The following IPMK variants were observed in gnomAD, a reference collection of about 807,000 sequenced individuals.
IPMK encodes inositol 1,3,4,6-tetrakisphosphate 5-kinase.
IPMK carries 17 observed loss-of-function variants against 45.8 expected under a neutral mutation model. The ratio of observed to expected loss-of-function variants is 0.37; its 90% CI spans 0.25 to 0.56. The LOEUF is 0.56. IPMK is among the 20% of genes least tolerant of loss of function. The pLI, the probability that IPMK is intolerant of heterozygous loss-of-function variation, is 0.79. For missense variants in IPMK, 399 were observed against 498.0 expected, an observed-to-expected ratio of 0.80 and a Z score of 1.89; for synonymous variants, 180 against 184.3, an observed-to-expected ratio of 0.98 and a Z score of 0.19.
chr10:58,244,372 G>T (rs1367554496), intron 1 of IPMK, among the ~76,000 whole-genome samples: 1 of 150,014 alleles, frequency 6.7e-6, no homozygotes, highest in Non-Finnish European at 1.5e-5. Flanking sequence ...GGGAAGTGGG[G>T]GGTGCCTCTG....
rs762715336 is a variant in IPMK, at chr10:58,196,363, T to C, written c.964A>G (p.Arg322Gly). ...KSLSKMYARHRKIYTKKHHSQ... is the reference protein window; with the variant it reads ...KSLSKMYARHGKIYTKKHHSQ... Reference sequence around the variant, plus strand: ...TGATGCTTTTTTGTATATATTTTCCTGTGACGCGCATACATCTTGGACAAG... The same window carrying C: ...TGATGCTTTTTTGTATATATTTTCCCGTGACGCGCATACATCTTGGACAAG... The change falls in exon 6 of 6, where the codon AGG (arginine) becomes GGG (glycine). Residue 322 changes from arginine to glycine, a missense_variant. Physicochemically the swap from Arg to Gly is moderately radical, Grantham distance 125 (BLOSUM62 -2). Transcript: ENST00000373935. 1 of 1,614,168 alleles carries C rather than the reference T, an allele frequency of 6.2e-7. No homozygotes were observed. The highest frequency in any genetic ancestry group is 8.5e-7 in the Non-Finnish European group (1 of 1,180,010).
intron 1 of IPMK, among the ~76,000 whole-genome samples, chr10:58,240,326 CCAATA>C (rs1320729529): frequency 2.0e-5 from 3 of 151,272 alleles, no homozygotes; most frequent in Non-Finnish European, 1.5e-5. Context: ...TTCACAAAGA[CCAATA>C]CAAAATATCT....
chr10:58,201,677 C>A (rs1271872944), intron 4 of IPMK, among the ~76,000 whole-genome samples: 1 of 152,140 alleles, frequency 6.6e-6, no homozygotes, highest in Admixed American at 6.6e-5. Context: ...AATGTCACGT[C>A]TCTCACTTAA....
At chr10:58,255,293 G>A (rs1295430656) in intron 1 of IPMK, among the ~76,000 whole-genome samples, 1 of 152,240 alleles carries the variant, frequency 6.6e-6, no homozygotes, top group Non-Finnish European at 1.5e-5. Flanking sequence ...GTGACATGGA[G>A]CTGGAGTGGG....
At chr10:58,210,520 T>C (rs1434894036) in intron 4 of IPMK, among the ~76,000 whole-genome samples, 3 of 152,224 alleles carry the variant, frequency 2.0e-5, no homozygotes, top group African/African-American at 7.2e-5. Flanking sequence ...CAAGCTTCTT[T>C]CACCCTGTGA....
intron 4 of IPMK, chr10:58,212,932 T>C: frequency 4.6e-6 from 1 of 219,178 alleles, no homozygotes; most frequent in South Asian, 8.8e-5. Flanking sequence ...ACTGACCATA[T>C]TCCCCTCCAC....
chr10:58,217,706 A>G (rs1838267710), intron 3 of IPMK, among the ~76,000 whole-genome samples: 1 of 151,168 alleles, frequency 6.6e-6, no homozygotes, highest in African/African-American at 2.4e-5. Context: ...AAAAAAAAAA[A>G]AAAGAATCAT....
chr10:58,203,831 C>T (rs1247412661), intron 4 of IPMK, among the ~76,000 whole-genome samples: 1 of 152,128 alleles, frequency 6.6e-6, no homozygotes, highest in Non-Finnish European at 1.5e-5. Context: ...TCACATGCTC[C>T]AGAGAAACCT....
In IPMK at chr10:58,195,903, G is replaced by A; in HGVS notation, c.*173C>T. ...TTCATAGTTTTCTAATGAACAAATA[G>A]TTAGTTTTCCTGAGTAAGATTATAA... On this transcript the variant is annotated 3_prime_UTR_variant, in exon 6 of 6. Coordinates refer to ENST00000373935, the MANE Select transcript of IPMK (RefSeq NM_152230.5). The A allele has an allele frequency of 1.6e-6, 1 of 614,876 alleles. No homozygotes were observed. The highest frequency in any genetic ancestry group is 2.4e-5 in the South Asian group (1 of 41,468). The allele number at this position is 614,876 out of a possible 1,614,324, so 38.1% of individuals were successfully genotyped here. A position where few individuals can be genotyped will look rare whatever the true frequency, so the allele number is the denominator to read the frequency against.
At chr10:58,232,046 G>C (rs1838531797) in intron 2 of IPMK, among the ~76,000 whole-genome samples, 1 of 152,104 alleles carries the variant, frequency 6.6e-6, no homozygotes, top group Non-Finnish European at 1.5e-5. Flanking sequence ...TGATAAAACA[G>C]ACTTTAAACC....
At chr10:58,222,687 TAAAG>T (rs146612609) in intron 3 of IPMK, among the ~76,000 whole-genome samples, 2,092 of 152,312 alleles carry the variant, frequency 0.014, 27 homozygotes, top group Non-Finnish European at 0.023. Context: ...AGAAAGTATA[TAAAG>T]AATTTCTATA....
chr10:58,247,226 C>G lies in IPMK; in HGVS notation c.191-9412G>C, dbSNP rs1414860492. Among the ~76,000 whole-genome samples, 12 of 149,036 alleles carry G rather than the reference C, an allele frequency of 8.1e-5. No individual in the cohort carries two copies. The East Asian group carries it at 2.3e-3, about 29-fold the overall frequency. ...TTGCTGGGACTGTAAACTAGTTCAA[C>G]CATTGTGGAAGTCAGTGTGGCGATT... On this transcript the variant is annotated intron_variant, in intron 1 of 5. Coordinates refer to ENST00000373935, the MANE Select transcript of IPMK (RefSeq NM_152230.5).
chr10:58,263,519 G>A (rs775713201), intron 1 of IPMK, among the ~76,000 whole-genome samples: 3 of 124,246 alleles, frequency 2.4e-5, no homozygotes, highest in African/African-American at 4.1e-5. Flanking sequence ...GCAAGACTCC[G>A]TTAAAAAAAA....
intron 4 of IPMK, among the ~76,000 whole-genome samples, chr10:58,211,043 T>A (rs1321931218): frequency 6.6e-6 from 1 of 152,166 alleles, no homozygotes; most frequent in Non-Finnish European, 1.5e-5. Flanking sequence ...CATTCTACAA[T>A]GTTTAGAGAA....
At chr10:58,260,719 G>C in intron 1 of IPMK, among the ~76,000 whole-genome samples, 1 of 152,024 alleles carries the variant, frequency 6.6e-6, no homozygotes, top group Non-Finnish European at 1.5e-5. Context: ...GAAAAGCCTA[G>C]TAAACAATGT....
chr10:58,250,060 C>T (rs1214196847), intron 1 of IPMK, among the ~76,000 whole-genome samples: 1 of 152,158 alleles, frequency 6.6e-6, no homozygotes, highest in Non-Finnish European at 1.5e-5. Flanking sequence ...GTTTTTATGT[C>T]AGTGCCATGG....
At chr10:58,235,118 T>G in intron 2 of IPMK, among the ~76,000 whole-genome samples, 1 of 152,294 alleles carries the variant, frequency 6.6e-6, no homozygotes, top group East Asian at 1.9e-4. Flanking sequence ...CACAATGAGA[T>G]ACCATCTCAC....
At chr10:58,245,493 T>G (rs1372507373) in intron 1 of IPMK, among the ~76,000 whole-genome samples, 1 of 150,260 alleles carries the variant, frequency 6.7e-6, no homozygotes, top group Non-Finnish European at 1.5e-5. Flanking sequence ...ATGCCTGTAA[T>G]CCCAACTACT....
At chr10:58,205,295 T>C (rs1838055218) in intron 4 of IPMK, among the ~76,000 whole-genome samples, 1 of 150,760 alleles carries the variant, frequency 6.6e-6, no homozygotes, top group Non-Finnish European at 1.5e-5. Flanking sequence ...AGAAAAAAAT[T>C]TGCAAATCAA....
Sources: allele counts gnomAD v4.1 joint callset (sites outside exome capture counted in the v4.1 genomes callset), GRCh38; gene constraint gnomAD v4.1.1; transcripts MANE v1.5; gene names NCBI Gene and HGNC (gene_info 2026-07-23, HGNC 2026-07-21).